Variants in DNAH14 observed in about 807,000 individuals in gnomAD.
DNAH14 encodes the protein axonemal beta dynein heavy chain 14.
Under a neutral mutation model 520.9 loss-of-function variants are expected in DNAH14, and 478 were observed. The observed-to-expected ratio is 0.92, with a 90% CI of 0.85 to 0.99. DNAH14 has a LOEUF of 0.99. Ranked by LOEUF, DNAH14 falls within the 50% of genes least tolerant of loss-of-function variation. The pLI is 0.00. For missense variants in DNAH14, 4,831 were observed against 5,234.5 expected, an observed-to-expected ratio of 0.92 and a Z score of 2.38; for synonymous variants, 1,581 against 1,757.2, an observed-to-expected ratio of 0.90 and a Z score of 2.51.
chr1:225,133,982 G>A (rs773023681), intron 27 of DNAH14, among the ~76,000 whole-genome samples: 2 of 151,930 alleles, frequency 1.3e-5, no homozygotes, highest in Non-Finnish European at 2.9e-5. Flanking sequence ...TATTCTTTTT[G>A]TAGCAATTGT....
At chr1:225,108,156 A>G (rs1558984009) in intron 23 of DNAH14, among the ~76,000 whole-genome samples, 1 of 152,144 alleles carries the variant, frequency 6.6e-6, no homozygotes, top group African/African-American at 2.4e-5. Flanking sequence ...TCCAGCCTTT[A>G]TCTTTCTCCC....
In DNAH14 at chr1:224,955,012, A is replaced by G; in HGVS notation, c.131A>G (p.Gln44Arg). Residue 44 changes from glutamine (Q) to arginine (R), a missense_variant, in exon 3 of 86, where the codon CAA becomes CGA. Coordinates refer to ENST00000682510, the MANE Select transcript of DNAH14 (RefSeq NM_001367479.1). ...KYEDVKPLET[Q>R]PAEIAEKETL... ...GAAGATGTGAAACCATTAGAGACTC[A>G]ACCAGCTGAAATAGCAGAAAAGGAA... The G allele has an allele frequency of 1.2e-6, 2 of 1,610,754 alleles. No individual in the cohort carries two copies. The highest frequency in any genetic ancestry group is 1.7e-6 in the Non-Finnish European group (2 of 1,177,478).
chr1:225,240,049 C>A (rs1264736225), intron 42 of DNAH14, among the ~76,000 whole-genome samples: 2 of 152,132 alleles, frequency 1.3e-5, no homozygotes, highest in East Asian at 3.9e-4. Flanking sequence ...GACTGCCTGG[C>A]TTTAGCCAGG....
At chr1:225,092,184 A>G (rs2074458863) in intron 21 of DNAH14, among the ~76,000 whole-genome samples, 1 of 152,132 alleles carries the variant, frequency 6.6e-6, no homozygotes, top group Admixed American at 6.6e-5. Flanking sequence ...AAACAAAGAT[A>G]TTCAGGACCT....
intron 17 of DNAH14, among the ~76,000 whole-genome samples, chr1:225,056,263 GA>G (rs1327295552): frequency 8.5e-5 from 13 of 152,168 alleles, no homozygotes; most frequent in African/African-American, 3.1e-4. Flanking sequence ...TTGTGGTTTA[GA>G]TTTGCATTTC....
At chr1:225,110,089 A>G (rs1425385545) in intron 23 of DNAH14, among the ~76,000 whole-genome samples, 2 of 152,048 alleles carry the variant, frequency 1.3e-5, no homozygotes, top group Non-Finnish European at 2.9e-5. Context: ...GTTTGCATGC[A>G]TTTTGTTGAG....
At chr1:225,068,325 G>C (rs1572842655) in intron 17 of DNAH14, among the ~76,000 whole-genome samples, 1 of 152,090 alleles carries the variant, frequency 6.6e-6, no homozygotes, top group African/African-American at 2.4e-5. Context: ...TCTTGTACCA[G>C]TACCTTGCTG....
chr1:225,322,868 G>A, intron 62 of DNAH14, 45 bp downstream of exon 62: 1 of 1,480,558 alleles, frequency 6.8e-7, no homozygotes, highest in African/African-American at 1.4e-5. Context: ...TTTACAGTCT[G>A]TGGGATCAAA....
At chr1:225,294,891 G>GTTGT (rs544707302) in intron 55 of DNAH14, among the ~76,000 whole-genome samples, 1 of 151,222 alleles carries the variant, frequency 6.6e-6, no homozygotes, top group Admixed American at 6.6e-5. Flanking sequence ...TGTTGTTGTT[G>GTTGT]TTGTTTGTTT....
chr1:225,245,218 T>C (rs1009134717), intron 43 of DNAH14, among the ~76,000 whole-genome samples: 1 of 152,080 alleles, frequency 6.6e-6, no homozygotes, highest in African/African-American at 2.4e-5. Flanking sequence ...GAGACTGTTA[T>C]GATTTCCTTT....
chr1:225,347,007 A>T (rs966150662), intron 71 of DNAH14, among the ~76,000 whole-genome samples: 2 of 152,216 alleles, frequency 1.3e-5, no homozygotes, highest in African/African-American at 4.8e-5. Flanking sequence ...TTGAAACACA[A>T]AAAGCATGTT....
intron 21 of DNAH14, among the ~76,000 whole-genome samples, chr1:225,096,872 C>T (rs927121505): frequency 6.6e-6 from 1 of 152,174 alleles, no homozygotes; most frequent in East Asian, 1.9e-4. Context: ...GTGTGTTACT[C>T]AAATCTTTTA....
chr1:224,940,352 A>T (rs2059329344), intron 1 of DNAH14, among the ~76,000 whole-genome samples: 1 of 152,160 alleles, frequency 6.6e-6, no homozygotes. Context: ...AAAAGAGGAG[A>T]AATAGACCCC....
intron 10 of DNAH14, among the ~76,000 whole-genome samples, chr1:225,009,960 T>C (rs2147887279): frequency 6.6e-6 from 1 of 152,356 alleles, no homozygotes; most frequent in East Asian, 1.9e-4. Flanking sequence ...CCTGAGACTT[T>C]GCTGAAGTTG....
chr1:225,093,767 T>C (rs1426534007), intron 21 of DNAH14, among the ~76,000 whole-genome samples: 1 of 152,186 alleles, frequency 6.6e-6, no homozygotes, highest in African/African-American at 2.4e-5. Context: ...CTAGATCTGA[T>C]AAACAACTTC....
chr1:225,168,555 A>G (rs1317345985), intron 36 of DNAH14, among the ~76,000 whole-genome samples: 1 of 152,220 alleles, frequency 6.6e-6, no homozygotes, highest in Non-Finnish European at 1.5e-5. Flanking sequence ...ACTCATGGCT[A>G]GCACAGCAGT....
chr1:225,373,482 G>A (rs998574857), intron 77 of DNAH14, among the ~76,000 whole-genome samples: 2 of 148,832 alleles, frequency 1.3e-5, no homozygotes, highest in African/African-American at 4.9e-5. Context: ...GGGAGGAAGG[G>A]AGGGAGGGAG....
intron 11 of DNAH14, among the ~76,000 whole-genome samples, chr1:225,026,332 C>T (rs879527276): frequency 6.6e-6 from 1 of 151,710 alleles, no homozygotes; most frequent in Non-Finnish European, 1.5e-5. Flanking sequence ...AAATCATTGC[C>T]TAATCCAAAG....
chr1:225,171,643 A>G (rs2082680468), intron 36 of DNAH14, among the ~76,000 whole-genome samples: 1 of 152,174 alleles, frequency 6.6e-6, no homozygotes, highest in African/African-American at 2.4e-5. Flanking sequence ...TTACCAACCA[A>G]AAGAAGTCCA....
Sources: gnomAD v4.1 joint callset for allele counts (sites outside exome capture counted in the v4.1 genomes callset) on GRCh38, gnomAD v4.1.1 for gene constraint, MANE v1.5 for transcripts, NCBI Gene and HGNC (gene_info 2026-07-23, HGNC 2026-07-21) for gene names.